The following SLC24A2 variants were observed in gnomAD, a reference collection of about 807,000 sequenced individuals.
SLC24A2 encodes the protein sodium/potassium/calcium exchanger 2.
In SLC24A2, 36 loss-of-function variants were observed where a neutral mutation model predicts 62.0. The ratio of observed to expected loss-of-function variants is 0.58; its 90% CI spans 0.44 to 0.77. The LOEUF (loss-of-function observed/expected upper bound fraction) is 0.77, where lower values mean the gene tolerates loss of function less well. Among genes scored for constraint, SLC24A2 ranks in the 30% least tolerant of loss-of-function variants. The pLI is 0.00. For missense variants in SLC24A2, 846 were observed against 817.9 expected, an observed-to-expected ratio of 1.03 and a Z score of -0.42; for synonymous variants, 358 against 294.0, an observed-to-expected ratio of 1.22 and a Z score of -2.23.
chr9:20,277,257 C>G, the SLC24A2 span, among the ~76,000 whole-genome samples: 4 of 152,272 alleles, frequency 2.6e-5, no homozygotes, highest in Admixed American at 2.0e-4. Context: ...AAATAAAGAG[C>G]TTCTGCACAG....
chr9:19,949,185 G>T, the SLC24A2 span, among the ~76,000 whole-genome samples: 13 of 151,854 alleles, frequency 8.6e-5, no homozygotes, highest in Non-Finnish European at 1.6e-4. Flanking sequence ...GTAGAGACGC[G>T]GTTTCACCAT....
the SLC24A2 span, among the ~76,000 whole-genome samples, chr9:20,184,506 G>A: frequency 2.0e-4 from 31 of 152,230 alleles, no homozygotes; most frequent in East Asian, 1.9e-4. Flanking sequence ...CTGAGATCAC[G>A]CCACTGCACT....
At chr9:20,114,187 T>A in the SLC24A2 span, among the ~76,000 whole-genome samples, 1 of 151,846 alleles carries the variant, frequency 6.6e-6, no homozygotes, top group Non-Finnish European at 1.5e-5. Flanking sequence ...CCATTTCCAC[T>A]CCCAAATAGC....
rs1016820217 is a variant in SLC24A2 at position 19,691,948 on chromosome 9, G to C, written c.931-69649C>G. On this transcript the variant is annotated intron_variant, in intron 2 of 10. Coordinates refer to ENST00000341998, the MANE Select transcript of SLC24A2 (RefSeq NM_020344.4). Reference sequence around the variant, plus strand: ...GCACTCCAATGCCTTTATACTACAAGGGAAGATTGTTTGCAAGCAAACACT... The same window carrying C: ...GCACTCCAATGCCTTTATACTACAACGGAAGATTGTTTGCAAGCAAACACT... Among the ~76,000 whole-genome samples, 7 of 152,052 alleles carry C rather than the reference G, an allele frequency of 4.6e-5. No individual in the cohort carries two copies. In the South Asian group the frequency reaches 8.3e-4, roughly 18 times the overall value.
chr9:19,852,983 T>G, the SLC24A2 span, among the ~76,000 whole-genome samples: 1 of 152,184 alleles, frequency 6.6e-6, no homozygotes, highest in African/African-American at 2.4e-5. Flanking sequence ...GTGTCCTCTC[T>G]TATTTCCTTG....
the SLC24A2 span, among the ~76,000 whole-genome samples, chr9:20,132,961 G>C: frequency 1.7e-4 from 26 of 152,012 alleles, no homozygotes; most frequent in African/African-American, 6.3e-4. Flanking sequence ...ATGGTGTTTT[G>C]ATTTGTCAAT....
chr9:20,250,173 G>T, the SLC24A2 span, among the ~76,000 whole-genome samples: 1 of 152,278 alleles, frequency 6.6e-6, no homozygotes, highest in Non-Finnish European at 1.5e-5. Flanking sequence ...ATAGGGAAAG[G>T]ATCACCAAGC....
At chr9:19,793,164 A>G (rs1285775512), upstream of SLC24A2, among the ~76,000 whole-genome samples, 2 of 152,258 alleles carry the variant, frequency 1.3e-5, no homozygotes, top group Non-Finnish European at 2.9e-5. Flanking sequence ...AGGAGGATGT[A>G]GGTTATGTTA....
chr9:19,722,379 C>T (rs1297375273), intron 2 of SLC24A2, among the ~76,000 whole-genome samples: 1 of 152,066 alleles, frequency 6.6e-6, no homozygotes, highest in African/African-American at 2.4e-5. Flanking sequence ...ATTTTGGTAT[C>T]ACTTTAAAAT....
chr9:19,801,752 C>G, the SLC24A2 span, among the ~76,000 whole-genome samples: 6 of 152,184 alleles, frequency 3.9e-5, no homozygotes, highest in African/African-American at 1.4e-4. Context: ...TGGAAGTGGT[C>G]ACCTTCCCAG....
intron 2 of SLC24A2, among the ~76,000 whole-genome samples, chr9:19,680,555 C>A (rs980942157): frequency 6.6e-6 from 1 of 151,668 alleles, no homozygotes; most frequent in Non-Finnish European, 1.5e-5. Flanking sequence ...AACAATAATG[C>A]TTTAACGCCA....
the SLC24A2 span, among the ~76,000 whole-genome samples, chr9:20,217,731 T>C: frequency 6.6e-6 from 1 of 152,308 alleles, no homozygotes; most frequent in African/African-American, 2.4e-5. Context: ...GCTTTCCAGA[T>C]TGCTTTTTCC....
intron 2 of SLC24A2, among the ~76,000 whole-genome samples, chr9:19,664,879 G>A (rs1819204485): frequency 6.6e-6 from 1 of 151,980 alleles, no homozygotes; most frequent in Admixed American, 6.6e-5. Context: ...AGTGAGCATG[G>A]CTCTGCCAAT....
At chr9:19,728,778 T>C (rs1821248808) in intron 2 of SLC24A2, among the ~76,000 whole-genome samples, 1 of 152,204 alleles carries the variant, frequency 6.6e-6, no homozygotes, top group Non-Finnish European at 1.5e-5. Flanking sequence ...CAAATAACTC[T>C]AGGCTAGAAG....
chr9:19,892,329 A>G, the SLC24A2 span, among the ~76,000 whole-genome samples: 1 of 152,122 alleles, frequency 6.6e-6, no homozygotes, highest in African/African-American at 2.4e-5. Flanking sequence ...TTTTTCTATA[A>G]TATTTATCAC....
At chr9:19,688,980 TAC>T (rs1403796340) in intron 2 of SLC24A2, among the ~76,000 whole-genome samples, 1 of 152,196 alleles carries the variant, frequency 6.6e-6, no homozygotes, top group Non-Finnish European at 1.5e-5. Flanking sequence ...CAGATTAATA[TAC>T]ATTTATCAAA....
intron 2 of SLC24A2, among the ~76,000 whole-genome samples, chr9:19,647,339 C>G (rs975175627): frequency 2.6e-5 from 4 of 152,138 alleles, no homozygotes; most frequent in African/African-American, 9.7e-5. Flanking sequence ...TAGAGATGGT[C>G]TGTATTAGGG....
chr9:20,201,870 A>G, the SLC24A2 span, among the ~76,000 whole-genome samples: 8 of 152,274 alleles, frequency 5.3e-5, no homozygotes, highest in South Asian at 1.7e-3. Context: ...AAACGTGGCA[A>G]TTAGGGTGAG....
chr9:19,933,713 C>T, the SLC24A2 span, among the ~76,000 whole-genome samples: 9 of 152,154 alleles, frequency 5.9e-5, no homozygotes, highest in African/African-American at 2.2e-4. Context: ...AAAGTAGAAA[C>T]AACCCAAATG....
Sources: allele counts gnomAD v4.1 joint callset (sites outside exome capture counted in the v4.1 genomes callset), GRCh38; gene constraint gnomAD v4.1.1; transcripts MANE v1.5; gene names NCBI Gene and HGNC (gene_info 2026-07-23, HGNC 2026-07-21).